Variants in PA2G4 observed in about 807,000 individuals in gnomAD.
PA2G4 encodes the protein proliferation-associated protein 2G4.
PA2G4 carries 8 observed loss-of-function variants against 53.3 expected under a neutral mutation model. The ratio of observed to expected loss-of-function variants is 0.15; its 90% CI spans 0.09 to 0.27. The LOEUF is 0.27. Ranked by LOEUF, PA2G4 falls within the 10% of genes least tolerant of loss-of-function variation. The pLI is 1.00. For synonymous variants in PA2G4, 143 were observed against 169.8 expected, an observed-to-expected ratio of 0.84 and a Z score of 1.23; for missense variants, 208 against 486.8, an observed-to-expected ratio of 0.43 and a Z score of 5.39.
At position 56,111,538 on chromosome 12, in the gene PA2G4, T is replaced by C. The variant is rs1869424249; in HGVS notation, c.1119+9T>C. On this transcript the variant is annotated intron_variant, in intron 12 of 12. Transcript: ENST00000303305. ...AAAAGAAAAAAAAGAAGGTGTGTTA[T>C]TAACGATCATTCCTCTCTGGCAGGG... 1 of 1,611,730 alleles carries C rather than the reference T, an allele frequency of 6.2e-7. No individual in the cohort carries two copies. Among genetic ancestry groups the C allele is most frequent in the East Asian group, 2.2e-5 (1 of 44,836 alleles).
Position 56,107,190 on chromosome 12 carries a change from C to G in PA2G4, c.327C>G (p.Asp109Glu), listed in dbSNP as rs772303778. ...ILKEGDLVKI[D>E]LGVHVDGFIA... The stretch of plus-strand genomic sequence containing the variant: ...GTACTCTGATCTTGCCTTTCAGTGA[C>G]CTTGGGGTCCATGTGGATGGCTTCA... The change falls in exon 4 of 13, where the codon GAC becomes GAG. Residue 109 changes from aspartate to glutamate, a missense_variant. Transcript: ENST00000303305. 6.2e-7 allele frequency: 1 copy of G among 1,613,588 alleles called. No homozygotes were observed. The highest frequency in any genetic ancestry group is 8.5e-7 in the Non-Finnish European group (1 of 1,179,556).
At position 56,104,568 on chromosome 12, in the gene PA2G4, G is replaced by C. The variant is rs753694548; in HGVS notation, c.-170G>C. ...GCGTGCCCTGCGCCTCAGCCCGCGC[G>C]CTCGCAGCTTCTCGCTCTCGCCTGC... is the stretch of plus-strand genomic sequence containing the variant. On this transcript the variant is annotated 5_prime_UTR_variant, in exon 1 of 13. Coordinates refer to ENST00000303305, the MANE Select transcript of PA2G4 (RefSeq NM_006191.3). 1 of 752,816 alleles carries C rather than the reference G, an allele frequency of 1.3e-6. No homozygotes were observed. The highest frequency in any genetic ancestry group is 1.4e-5 in the South Asian group (1 of 70,946). The allele number at this position is 752,816 out of a possible 1,614,324, so 46.6% of individuals were successfully genotyped here.
chr12:56,107,169 T>C lies in PA2G4; in HGVS notation c.324-18T>C, dbSNP rs1272069931. ...AAAATGCCAGTTCCTAATGCAGTACTCTGATCTTGCCTTTCAGTGACCTTG... is the reference window on the plus strand; with the variant it reads ...AAAATGCCAGTTCCTAATGCAGTACCCTGATCTTGCCTTTCAGTGACCTTG... On this transcript the variant is annotated intron_variant, in intron 3 of 12. Coordinates refer to ENST00000303305, the MANE Select transcript of PA2G4 (RefSeq NM_006191.3). The C allele has an allele frequency of 6.2e-7, 1 of 1,610,876 alleles. No homozygotes were observed. The highest frequency in any genetic ancestry group is 8.5e-7 in the Non-Finnish European group (1 of 1,177,086).
intron 1 of PA2G4, 56 bp downstream of exon 1, chr12:56,104,881 T>G: frequency 6.8e-7 from 1 of 1,477,192 alleles, no homozygotes; most frequent in Non-Finnish European, 9.4e-7. Context: ...GGTAACAGGC[T>G]GGCCCGGAAG....
intron 1 of PA2G4, 187 bp downstream of exon 1, chr12:56,105,012 G>A (rs1869265948): frequency 1.4e-6 from 1 of 713,116 alleles, no homozygotes. Context: ...GGCCCAGGCT[G>A]AAGTCTATGG....
In PA2G4 at chr12:56,110,389, T is replaced by G; in HGVS notation, c.630-10T>G. The G allele has an allele frequency of 6.5e-7, 1 of 1,543,644 alleles. No homozygotes were observed. The highest frequency in any genetic ancestry group is 9.0e-7 in the Non-Finnish European group (1 of 1,116,256). ...AAAAAAAAAAATTCCTTTCTCTCTATTCCTTTTAGGAAGGACCATGAAAAA... is the reference window on the plus strand; with the variant it reads ...AAAAAAAAAAATTCCTTTCTCTCTAGTCCTTTTAGGAAGGACCATGAAAAA... On this transcript the variant is annotated splice_polypyrimidine_tract_variant and intron_variant, in intron 7 of 12. Transcript: ENST00000303305.
Position 56,104,695 on chromosome 12 carries a change from G to A in PA2G4, c.-43G>A, listed in dbSNP as rs754339987. The A allele has an allele frequency of 8.4e-6, 13 of 1,546,150 alleles. No individual in the cohort carries two copies. The highest frequency in any genetic ancestry group is 2.2e-5 in the East Asian group (1 of 44,632). ...GGCTGGGAAGGGAGACAGAGGCGGC[G>A]GCGGCTCAGGGGAAACGAGGCTGCA... is the stretch of plus-strand genomic sequence containing the variant. On this transcript the variant is annotated 5_prime_UTR_variant, in exon 1 of 13. Coordinates refer to ENST00000303305, the MANE Select transcript of PA2G4 (RefSeq NM_006191.3).
Position 56,107,501 on chromosome 12 carries a change from T to A in PA2G4, c.394-20T>A. 1 of 1,560,768 alleles carries A rather than the reference T, an allele frequency of 6.4e-7. No homozygotes were observed. Among genetic ancestry groups the A allele is most frequent in the South Asian group, 1.1e-5 (1 of 90,154 alleles). On this transcript the variant is annotated intron_variant, in intron 4 of 12. Transcript: ENST00000303305. ...AACAGACTTTCCAGGAAGATACTGA[T>A]TGCATGTCCTTATCTACAGGGGACC...
At chr12:56,112,461 T>C (rs1276304942) in intron 12 of PA2G4, among the ~76,000 whole-genome samples, 3 of 152,172 alleles carry the variant, frequency 2.0e-5, no homozygotes, top group African/African-American at 7.2e-5. Context: ...ACCCAGAGGA[T>C]TGAGATAACT....
intron 5 of PA2G4, among the ~76,000 whole-genome samples, chr12:56,108,049 G>A (rs1298232668): frequency 6.6e-6 from 1 of 151,974 alleles, no homozygotes; most frequent in East Asian, 1.9e-4. Flanking sequence ...GGAAAAATAA[G>A]CATTTGCTGT....
chr12:56,110,596 G>A lies in PA2G4; in HGVS notation c.746G>A (p.Arg249Gln). The change falls in exon 9 of 13, where the codon CGA becomes CAA. Residue 249 changes from arginine (R) to glutamine (Q), a missense_variant. Arg to Gln is a conservative substitution (Grantham distance 43). Around this residue, in one of 3 missense-constraint regions of PA2G4, gnomAD observed 143 missense variants for 386.8 expected, o/e 0.37. Transcript: ENST00000303305. ...DAGQRTTIYK[R>Q]DPSKQYGLKM... The stretch of plus-strand genomic sequence containing the variant: ...GGACAGAGAACCACTATTTACAAAC[G>A]AGACCCCTCTAAACAGTATGGACTG... 6.2e-7 allele frequency: 1 copy of A among 1,614,086 alleles called. No homozygotes were observed. The highest frequency in any genetic ancestry group is 8.5e-7 in the Non-Finnish European group (1 of 1,179,990).
Position 56,113,579 on chromosome 12 carries a change from C to G in PA2G4, c.*691C>G, listed in dbSNP as rs1170594126. 1 of 438,928 alleles carries G rather than the reference C, an allele frequency of 2.3e-6. No individual in the cohort carries two copies. The highest frequency in any genetic ancestry group is 3.5e-5 in the East Asian group (1 of 28,446). 27.2% of individuals were successfully genotyped at this position (438,928 alleles called of 1,614,324 possible). A position where few individuals can be genotyped will look rare whatever the true frequency, so the allele number is the denominator to read the frequency against. ...AATCCATCTCAACCTTACCCTTTTTCTCTGGAGTCAGTGGGGTCTTTCCTC... is the reference window on the plus strand; with the variant it reads ...AATCCATCTCAACCTTACCCTTTTTGTCTGGAGTCAGTGGGGTCTTTCCTC... On this transcript the variant is annotated 3_prime_UTR_variant, in exon 13 of 13. Coordinates refer to ENST00000303305, the MANE Select transcript of PA2G4 (RefSeq NM_006191.3).
At position 56,110,601 on chromosome 12, in the gene PA2G4, C is replaced by A; in HGVS notation, c.751C>A (p.Pro251Thr). ...GAGAACCACTATTTACAAACGAGAC[C>A]CCTCTAAACAGTATGGACTGAAAAT... ...GQRTTIYKRD[P>T]SKQYGLKMKT... The change falls in exon 9 of 13, where the codon CCC becomes ACC. Residue 251 changes from proline to threonine, a missense_variant. Coordinates refer to ENST00000303305, the MANE Select transcript of PA2G4 (RefSeq NM_006191.3). 6.2e-7 allele frequency: 1 copy of A among 1,614,002 alleles called. No individual in the cohort carries two copies. The highest frequency in any genetic ancestry group is 8.5e-7 in the Non-Finnish European group (1 of 1,179,968).
chr12:56,106,569 G>A lies in PA2G4; in HGVS notation c.89-19G>A, dbSNP rs1869306972. The stretch of plus-strand genomic sequence containing the variant: ...CAATGAATACATACAAGGCTGACAT[G>A]ATGGGATTCTGTCCTCAGGGGTACT... On this transcript the variant is annotated intron_variant, in intron 1 of 12. Coordinates refer to ENST00000303305, the MANE Select transcript of PA2G4 (RefSeq NM_006191.3). The A allele has an allele frequency of 6.5e-7, 1 of 1,540,210 alleles. No individual in the cohort carries two copies. The highest frequency in any genetic ancestry group is 8.7e-7 in the Non-Finnish European group (1 of 1,152,354).
At chr12:56,107,287 C>T (rs752542365) in intron 4 of PA2G4, 31 bp downstream of exon 4, 2 of 1,560,832 alleles carry the variant, frequency 1.3e-6, no homozygotes, top group Non-Finnish European at 8.8e-7. Flanking sequence ...CTCTGTTTAG[C>T]CTTGGGGTAG....
chr12:56,108,084 A>G (rs959728522), intron 5 of PA2G4, among the ~76,000 whole-genome samples: 5 of 152,134 alleles, frequency 3.3e-5, no homozygotes, highest in African/African-American at 9.7e-5. Flanking sequence ...TTAGAATGCC[A>G]GGTAAAAAAG....
At chr12:56,108,321 A>G (rs528696308) in intron 5 of PA2G4, among the ~76,000 whole-genome samples, 1 of 152,338 alleles carries the variant, frequency 6.6e-6, no homozygotes, top group African/African-American at 2.4e-5. Flanking sequence ...CCTGAGACTC[A>G]GTTTCCTTGT....
At position 56,110,701 on chromosome 12, in the gene PA2G4, C is replaced by G. The variant is rs866390326; in HGVS notation, c.842+9C>G. On this transcript the variant is annotated intron_variant, in intron 9 of 12. Coordinates refer to ENST00000303305, the MANE Select transcript of PA2G4 (RefSeq NM_006191.3). ...ATGCCGTTTACTTTAAGGTACTAAG[C>G]AATGATAGTACTTGGAACCAGTCTG... 7 of 1,613,794 alleles carry G rather than the reference C, an allele frequency of 4.3e-6. No homozygotes were observed. The Middle Eastern group carries it at 8.3e-4, about 190-fold the overall frequency.
Position 56,106,668 on chromosome 12 carries a change from A to G in PA2G4, c.169A>G (p.Met57Val). 1 of 1,604,790 alleles carries G rather than the reference A, an allele frequency of 6.2e-7. No individual in the cohort carries two copies. Among genetic ancestry groups the G allele is most frequent in the Non-Finnish European group, 8.5e-7 (1 of 1,177,580 alleles). The change falls in exon 2 of 13, where the codon ATG becomes GTG. Residue 57 changes from methionine to valine, a missense_variant. Transcript: ENST00000303305. ...GTGTGAGAAAGGTGATGCCATGATT[A>G]TGGAAGAAACAGGGAAAATCTTCAA... ...SLCEKGDAMI[M>V]EETGKIFKKE...
Sources: gnomAD v4.1 joint callset for allele counts (sites outside exome capture counted in the v4.1 genomes callset) on GRCh38, gnomAD v4.1.1 for gene constraint, gnomAD v4.1.1 regional missense constraint, MANE v1.5 for transcripts, NCBI Gene and HGNC (gene_info 2026-07-23, HGNC 2026-07-21) for gene names.